Variants in LRRC4C observed in about 807,000 individuals in gnomAD.
The protein encoded by LRRC4C is leucine rich repeat containing 4C, also known as leucine-rich repeat-containing protein 4C.
A neutral mutation model predicts 33.6 loss-of-function variants in LRRC4C; 5 were observed. That is an observed-to-expected ratio of 0.15 (90% CI 0.08 to 0.31). The LOEUF is 0.31. Ranked by LOEUF, LRRC4C falls within the 10% of genes least tolerant of loss-of-function variation. The pLI is 1.00. For missense variants in LRRC4C, 560 were observed against 796.7 expected (o/e 0.70, Z 3.58); for synonymous variants, 329 against 302.0 (o/e 1.09, Z -0.93).
Position 40,115,758 on chromosome 11 carries a change from A to C in LRRC4C, c.535T>G (p.Leu179Val). Reference sequence around the variant, plus strand: ...TATGAAAGTCTTTTCAATTCCCCTAAGTCTAGTCGGCGCAAAGAAGGAATT... The same window carrying C: ...TATGAAAGTCTTTTCAATTCCCCTACGTCTAGTCGGCGCAAAGAAGGAATT... ...NRIPSLRRLD[L>V]GELKRLSYIS... The change falls in exon 7 of 7, where the codon TTA becomes GTA. Residue 179 changes from leucine (L) to valine (V), a missense_variant. Physicochemically the swap from Leu to Val is conservative, Grantham distance 32. This residue lies in a region of LRRC4C where 455 missense variants were observed against 643.8 expected (regional missense o/e 0.71). Transcript: ENST00000528697. This position sits in a 1 kb window ranked among gnomAD's most constrained non-coding sequence, Gnocchi z 6.7. The C allele has an allele frequency of 6.2e-7, 1 of 1,614,188 alleles. No individual in the cohort carries two copies. Among genetic ancestry groups the C allele is most frequent in the Non-Finnish European group, 8.5e-7 (1 of 1,180,022 alleles).
At chr11:40,706,480 T>C (rs1317941258) in intron 2 of LRRC4C, among the ~76,000 whole-genome samples, 2 of 152,210 alleles carry the variant, frequency 1.3e-5, no homozygotes, top group Non-Finnish European at 2.9e-5. Flanking sequence ...CTTTCCCCAT[T>C]GCTTGTTTTT....
intron 3 of LRRC4C, among the ~76,000 whole-genome samples, chr11:40,479,394 C>T (rs1429396455): frequency 1.3e-5 from 2 of 152,066 alleles, no homozygotes; most frequent in Non-Finnish European, 2.9e-5. Flanking sequence ...GGTTCCTGTC[C>T]TTCTGGAGCT....
intron 2 of LRRC4C, among the ~76,000 whole-genome samples, chr11:40,898,424 A>C (rs184098693): frequency 9.9e-5 from 15 of 151,938 alleles, no homozygotes; most frequent in African/African-American, 3.6e-4. Context: ...GAGAGTGAGC[A>C]AAATTTTTTG....
At chr11:40,131,745 G>A (rs958905264) in intron 6 of LRRC4C, among the ~76,000 whole-genome samples, 1 of 152,092 alleles carries the variant, frequency 6.6e-6, no homozygotes, top group Admixed American at 6.6e-5. Context: ...AGGAATATTT[G>A]TTATTGTCTT....
chr11:40,154,571 A>G (rs2135158033), intron 5 of LRRC4C, among the ~76,000 whole-genome samples: 1 of 152,302 alleles, frequency 6.6e-6, no homozygotes, highest in East Asian at 1.9e-4. Context: ...AGCAGACAAA[A>G]CAAACTTTAA....
At chr11:40,463,553 C>T (rs894597849) in intron 3 of LRRC4C, among the ~76,000 whole-genome samples, 3 of 151,972 alleles carry the variant, frequency 2.0e-5, no homozygotes, top group African/African-American at 7.2e-5. Context: ...CTCACACTAT[C>T]ATTATCAACA....
At chr11:40,740,774 C>A (rs574330069) in intron 2 of LRRC4C, among the ~76,000 whole-genome samples, 1 of 152,018 alleles carries the variant, frequency 6.6e-6, no homozygotes, top group Non-Finnish European at 1.5e-5. Context: ...CAAGTCACAG[C>A]TTAAGCTTCT....
At chr11:40,131,660 G>T (rs1856652982) in intron 6 of LRRC4C, among the ~76,000 whole-genome samples, 1 of 152,076 alleles carries the variant, frequency 6.6e-6, no homozygotes, top group South Asian at 2.1e-4. Context: ...TGTGATTTTG[G>T]ACTCTATTAT....
chr11:40,695,880 A>G (rs1185597277), intron 2 of LRRC4C, among the ~76,000 whole-genome samples: 1 of 151,904 alleles, frequency 6.6e-6, no homozygotes, highest in African/African-American at 2.4e-5. Context: ...ATTTAATCAC[A>G]TCTTCATAGT....
At chr11:40,275,966 A>G (rs1219728126) in intron 4 of LRRC4C, among the ~76,000 whole-genome samples, 1 of 152,166 alleles carries the variant, frequency 6.6e-6, no homozygotes, top group African/African-American at 2.4e-5. Context: ...ACAATTACTT[A>G]TGCAAAACAG....
At chr11:40,722,082 A>T (rs183952236) in intron 2 of LRRC4C, among the ~76,000 whole-genome samples, 5 of 152,344 alleles carry the variant, frequency 3.3e-5, no homozygotes, top group African/African-American at 1.2e-4. Context: ...CCACAAAAAA[A>T]TTACAGACAA....
intron 4 of LRRC4C, among the ~76,000 whole-genome samples, chr11:40,274,424 T>TACACACACACACACACACACAC (rs56027023): frequency 1.2e-4 from 16 of 138,966 alleles, no homozygotes; most frequent in East Asian, 4.5e-4. Flanking sequence ...GACACACACA[T>TACACACACACACACACACACAC]ACACACACAC....
At chr11:41,095,770 A>G (rs1244785240) in intron 1 of LRRC4C, among the ~76,000 whole-genome samples, 3 of 152,226 alleles carry the variant, frequency 2.0e-5, no homozygotes, top group Non-Finnish European at 4.4e-5. Context: ...CTGCAGGTGA[A>G]GACATATTCT....
At chr11:40,843,202 C>A (rs772730209) in intron 2 of LRRC4C, among the ~76,000 whole-genome samples, 22 of 152,082 alleles carry the variant, frequency 1.4e-4, no homozygotes, top group Non-Finnish European at 2.9e-4. Flanking sequence ...ATTAAGGGGC[C>A]AAGCAGCCAT....
chr11:40,847,790 T>C (rs2135714075), intron 2 of LRRC4C, among the ~76,000 whole-genome samples: 1 of 150,420 alleles, frequency 6.6e-6, no homozygotes, highest in East Asian at 1.9e-4. Context: ...GCTTTTTTTT[T>C]TTTTTTTTTT....
At chr11:40,906,635 T>A (rs1956428822) in intron 2 of LRRC4C, among the ~76,000 whole-genome samples, 2 of 152,200 alleles carry the variant, frequency 1.3e-5, no homozygotes, top group South Asian at 4.1e-4. Context: ...ATTTTGATAT[T>A]CCCTTTATTG....
intron 4 of LRRC4C, among the ~76,000 whole-genome samples, chr11:40,280,814 C>T (rs1943422925): frequency 6.6e-6 from 1 of 152,112 alleles, no homozygotes; most frequent in Non-Finnish European, 1.5e-5. Flanking sequence ...AAGGGAAAGC[C>T]CCAACCCTGC....
intron 3 of LRRC4C, among the ~76,000 whole-genome samples, chr11:40,585,937 G>A (rs1280226415): frequency 7.3e-6 from 1 of 137,340 alleles, no homozygotes; most frequent in Non-Finnish European, 1.6e-5. Context: ...AAACATACGT[G>A]TGCATGTGTC....
chr11:41,411,142 A>ATTTTTTTTTTTTTTTTTTTTTTTTTTT lies in LRRC4C; in HGVS notation c.-496+48288_-496+48289insAAAAAAAAAAAAAAAAAAAAAAAAAAA, dbSNP rs370574515. 2.7e-3 allele frequency among the ~76,000 whole-genome samples: 154 copies of ATTTTTTTTTTTTTTTTTTTTTTTTTTT among 57,186 alleles called. 16 individuals are homozygous for ATTTTTTTTTTTTTTTTTTTTTTTTTTT. The highest frequency in any genetic ancestry group is 5.2e-3 in the African/African-American group (45 of 8,602). 37.5% of individuals were successfully genotyped at this position (57,186 alleles called of 152,430 possible). ...ATGAGAAACACTTGGTTGGTACCCTATTTTTTTTTTTTTTTTTTTTTTTTG... is the reference window on the plus strand; with the variant it reads ...ATGAGAAACACTTGGTTGGTACCCTATTTTTTTTTTTTTTTTTTTTTTTTTTTTTTTTTTTTTTTTTTTTTTTTTTTG... On this transcript the variant is annotated intron_variant, in intron 1 of 6. Coordinates refer to ENST00000528697, the MANE Select transcript of LRRC4C (RefSeq NM_001258419.2).
Sources: gnomAD v4.1 joint callset for allele counts (sites outside exome capture counted in the v4.1 genomes callset) on GRCh38, gnomAD v4.1.1 for gene constraint, gnomAD v4.1.1 regional missense constraint, Gnocchi (gnomAD v3.1) non-coding constraint, MANE v1.5 for transcripts, NCBI Gene and HGNC (gene_info 2026-07-23, HGNC 2026-07-21) for gene names.